Variants in ACTR3C observed in about 807,000 individuals in gnomAD.
The protein encoded by ACTR3C is actin related protein 3C.
ACTR3C carries 18 observed loss-of-function variants against 26.3 expected under a neutral mutation model. That is an observed-to-expected ratio of 0.68 (90% CI 0.47 to 1.01). ACTR3C has a LOEUF of 1.01. Among genes scored for constraint, ACTR3C ranks in the 50% least tolerant of loss-of-function variants. The pLI, the probability that ACTR3C is intolerant of heterozygous loss-of-function variation, is 0.00. For synonymous variants in ACTR3C, 55 were observed against 94.5 expected (o/e 0.58, Z 2.42); for missense variants, 184 against 250.7 (o/e 0.73, Z 1.80).
chr7:150,170,008 C>T, the ACTR3C span, among the ~76,000 whole-genome samples: 99,610 of 148,022 alleles, frequency 0.67, 34,891 homozygotes, highest in East Asian at 0.83. Flanking sequence ...CATCCCATAG[C>T]TTTTGTGGGC....
chr7:149,898,285 T>G, the ACTR3C span, among the ~76,000 whole-genome samples: 60 of 152,348 alleles, frequency 3.9e-4, no homozygotes, highest in Middle Eastern at 3.4e-3. Context: ...AACCATCTGA[T>G]GTACAAGTCT....
chr7:149,982,310 G>T, the ACTR3C span, among the ~76,000 whole-genome samples: 2 of 152,116 alleles, frequency 1.3e-5, no homozygotes, highest in Non-Finnish European at 2.9e-5. Context: ...TCCTGCTTGA[G>T]ATGAGAAAAC....
At chr7:150,048,787 G>C in the ACTR3C span, among the ~76,000 whole-genome samples, 1 of 152,116 alleles carries the variant, frequency 6.6e-6, no homozygotes, top group Non-Finnish European at 1.5e-5. Flanking sequence ...CGGGGTGGTC[G>C]GACGACGCTG....
At chr7:150,311,742 G>T (rs759502054) in intron 1 of ACTR3C, among the ~76,000 whole-genome samples, 1 of 152,200 alleles carries the variant, frequency 6.6e-6, no homozygotes, top group Non-Finnish European at 1.5e-5. Flanking sequence ...AATCTCGCCA[G>T]CTAAAGCTGG....
At chr7:150,049,071 C>T in the ACTR3C span, among the ~76,000 whole-genome samples, 1 of 152,012 alleles carries the variant, frequency 6.6e-6, no homozygotes, top group Admixed American at 6.5e-5. Flanking sequence ...CGAGGGAGGG[C>T]GACATGGCTC....
At chr7:149,908,119 C>G in the ACTR3C span, among the ~76,000 whole-genome samples, 1 of 152,080 alleles carries the variant, frequency 6.6e-6, no homozygotes, top group Admixed American at 6.6e-5. Flanking sequence ...CAACCCCACA[C>G]ACTGACACAG....
intron 5 of ACTR3C, 77 bp from the exon 6 acceptor site, chr7:150,284,922 A>G: frequency 7.7e-7 from 1 of 1,306,904 alleles, no homozygotes; most frequent in Non-Finnish European, 1.0e-6. Flanking sequence ...CTTTAAAGTA[A>G]CTTTAACAAA....
the ACTR3C span, among the ~76,000 whole-genome samples, chr7:150,037,143 G>T: frequency 8.4e-5 from 4 of 47,682 alleles, 1 homozygote; most frequent in African/African-American, 2.4e-4. Context: ...TCCCTGCCTC[G>T]TGGGGGGTGC....
the ACTR3C span, among the ~76,000 whole-genome samples, chr7:150,069,583 G>A: frequency 8.3e-3 from 1,268 of 152,248 alleles, 14 homozygotes; most frequent in African/African-American, 0.029. Flanking sequence ...ATAAAAGCCA[G>A]GGAGAGGTAA....
At chr7:150,267,260 G>A (rs1318908714) in intron 6 of ACTR3C, among the ~76,000 whole-genome samples, 5 of 152,242 alleles carry the variant, frequency 3.3e-5, no homozygotes, top group African/African-American at 7.2e-5. Context: ...TGCGGCTCAC[G>A]CTCCACGGTG....
At chr7:150,037,097 C>T in the ACTR3C span, among the ~76,000 whole-genome samples, 28 of 100,498 alleles carry the variant, frequency 2.8e-4, no homozygotes, top group African/African-American at 9.4e-4. Flanking sequence ...GATGGGGGTC[C>T]TAAGAGCCAG....
the ACTR3C span, among the ~76,000 whole-genome samples, chr7:149,952,578 T>C: frequency 6.9e-6 from 1 of 144,858 alleles, no homozygotes; most frequent in Admixed American, 6.7e-5. Flanking sequence ...AAGAAAGAGA[T>C]GTAGATAAGT....
At chr7:150,012,460 G>A in the ACTR3C span, among the ~76,000 whole-genome samples, 117 of 151,762 alleles carry the variant, frequency 7.7e-4, no homozygotes, top group Admixed American at 2.5e-3. Flanking sequence ...GACTACAGGC[G>A]CCCACCACCA....
At chr7:150,283,979 C>T (rs985715157) in intron 6 of ACTR3C, among the ~76,000 whole-genome samples, 2 of 151,158 alleles carry the variant, frequency 1.3e-5, no homozygotes, top group Non-Finnish European at 2.9e-5. Context: ...TTCCAGGTTT[C>T]AAAATTCCCT....
At chr7:149,995,805 G>A in the ACTR3C span, among the ~76,000 whole-genome samples, 7 of 152,388 alleles carry the variant, frequency 4.6e-5, no homozygotes, top group South Asian at 2.1e-4. Flanking sequence ...GAGGGGCACC[G>A]TTGGCAGGAC....
chr7:150,052,416 G>GT, the ACTR3C span, among the ~76,000 whole-genome samples: 1 of 151,686 alleles, frequency 6.6e-6, no homozygotes, highest in African/African-American at 2.4e-5. Context: ...GAAAAACAGA[G>GT]TTAAAGTATG....
the ACTR3C span, among the ~76,000 whole-genome samples, chr7:150,194,881 G>A: frequency 6.6e-6 from 1 of 151,970 alleles, no homozygotes; most frequent in Non-Finnish European, 1.5e-5. Context: ...ATGACCTGAG[G>A]CCAGGAGTTC....
chr7:149,974,723 C>T, the ACTR3C span, among the ~76,000 whole-genome samples: 1 of 151,944 alleles, frequency 6.6e-6, no homozygotes, highest in Admixed American at 6.6e-5. Flanking sequence ...GAAATGAGTC[C>T]ATTGTTTCTA....
chr7:149,911,790 C>T, the ACTR3C span, among the ~76,000 whole-genome samples: 54 of 152,058 alleles, frequency 3.6e-4, 3 homozygotes, highest in South Asian at 0.011. Context: ...TGGTTAAGAT[C>T]ATGCACTTTG....
Sources: gnomAD v4.1 joint callset for allele counts (sites outside exome capture counted in the v4.1 genomes callset) on GRCh38, gnomAD v4.1.1 for gene constraint, MANE v1.5 for transcripts, NCBI Gene and HGNC (gene_info 2026-07-23, HGNC 2026-07-21) for gene names.